WNT2: variants seen among roughly 807,000 people sequenced by gnomAD.
The protein encoded by WNT2 is protein Wnt-2.
In WNT2, 12 loss-of-function variants were observed where a neutral mutation model predicts 36.9. The ratio of observed to expected loss-of-function variants is 0.33; its 90% CI spans 0.21 to 0.53. The LOEUF (loss-of-function observed/expected upper bound fraction) is 0.53, where lower values mean the gene tolerates loss of function less well. Among genes scored for constraint, WNT2 ranks in the 20% least tolerant of loss-of-function variants. The pLI, the probability that WNT2 is intolerant of heterozygous loss-of-function variation, is 0.95. For synonymous variants in WNT2, 163 were observed against 174.6 expected (o/e 0.93, Z 0.52); for missense variants, 379 against 473.1 (o/e 0.80, Z 1.84).
Position 117,297,660 on chromosome 7 carries a change from C to T in WNT2, c.805G>A (p.Val269Met), listed in dbSNP as rs752494888. ...TAGTCTGGAGAATTCTCAAAATACA[C>T]GAGGTCATTTTTCGTTGGCTTCTTA... ...RFKKPTKNDL[V>M]YFENSPDYCI... Residue 269 changes from valine to methionine, a missense_variant, in exon 4 of 5, where the codon GTG (valine) becomes ATG (methionine). Val to Met is a conservative substitution (Grantham distance 21). Transcript: ENST00000265441. 2.3e-5 allele frequency: 37 copies of T among 1,613,976 alleles called. No individual in the cohort carries two copies. The highest frequency in any genetic ancestry group is 3.3e-5 in the South Asian group (3 of 91,092).
intron 2 of WNT2, among the ~76,000 whole-genome samples, chr7:117,316,703 A>C (rs1795225918): frequency 6.6e-6 from 1 of 152,190 alleles, no homozygotes; most frequent in Non-Finnish European, 1.5e-5. Context: ...GCTTTCAGAA[A>C]ATATTTACCC....
At chr7:117,300,110 A>C (rs930736665) in intron 3 of WNT2, among the ~76,000 whole-genome samples, 1 of 152,154 alleles carries the variant, frequency 6.6e-6, no homozygotes, top group East Asian at 1.9e-4. Flanking sequence ...GTGCTGATTC[A>C]GTTTGGGCCA....
chr7:117,278,515 A>G lies in WNT2; in HGVS notation c.854-131T>C, dbSNP rs1018286019. 4 of 875,558 alleles carry G rather than the reference A, an allele frequency of 4.6e-6. No homozygotes were observed. In the African/African-American group the frequency reaches 6.8e-5, roughly 15 times the overall value. 54.2% of individuals were successfully genotyped at this position (875,558 alleles called of 1,614,324 possible). A position where few individuals can be genotyped will look rare whatever the true frequency, so the allele number is the denominator to read the frequency against. On this transcript the variant is annotated intron_variant, in intron 4 of 4. Transcript: ENST00000265441. ...TCTCTTCCTACAGCCTGGGGCTGTT[A>G]TACTCGTTCTGTGGGCCCATGCCAT...
intron 3 of WNT2, among the ~76,000 whole-genome samples, chr7:117,307,320 G>T: frequency 6.6e-6 from 1 of 152,182 alleles, no homozygotes; most frequent in South Asian, 2.1e-4. Flanking sequence ...ACCACGTAAG[G>T]TATATACTAT....
intron 3 of WNT2, among the ~76,000 whole-genome samples, chr7:117,311,596 T>C (rs1394879202): frequency 2.0e-5 from 3 of 152,354 alleles, no homozygotes; most frequent in Admixed American, 6.5e-5. Flanking sequence ...AAAAATACTA[T>C]ATGCTTGGTT....
At chr7:117,296,538 T>C (rs1006500030) in intron 4 of WNT2, among the ~76,000 whole-genome samples, 1 of 152,180 alleles carries the variant, frequency 6.6e-6, no homozygotes, top group Non-Finnish European at 1.5e-5. Flanking sequence ...TGATAATGAA[T>C]TCCTTTGCTT....
intron 3 of WNT2, among the ~76,000 whole-genome samples, chr7:117,307,468 A>C (rs868079353): frequency 6.6e-6 from 1 of 151,972 alleles, no homozygotes; most frequent in South Asian, 2.1e-4. Context: ...AGTCGACATC[A>C]CTCTGCTGGT....
chr7:117,315,816 G>A (rs539456691), intron 2 of WNT2, among the ~76,000 whole-genome samples: 1 of 152,274 alleles, frequency 6.6e-6, no homozygotes, highest in African/African-American at 2.4e-5. Context: ...AAACCTCCAG[G>A]ACTTACTGAA....
chr7:117,302,542 G>A (rs185121773), intron 3 of WNT2, among the ~76,000 whole-genome samples: 105 of 152,240 alleles, frequency 6.9e-4, no homozygotes, highest in Non-Finnish European at 9.9e-4. Context: ...TTAAATGTAC[G>A]TATCCTTGAC....
intron 4 of WNT2, among the ~76,000 whole-genome samples, chr7:117,292,458 T>A (rs996272683): frequency 2.0e-5 from 3 of 152,156 alleles, no homozygotes; most frequent in African/African-American, 4.8e-5. Context: ...GTAATTGCCT[T>A]GAAGAGTCAG....
Position 117,322,856 on chromosome 7 carries a change from G to T in WNT2, c.83+51C>A. On this transcript the variant is annotated intron_variant, in intron 1 of 4. Coordinates refer to ENST00000265441, the MANE Select transcript of WNT2 (RefSeq NM_003391.3). The surrounding 1 kb of genome is among the most constrained non-coding windows in gnomAD (Gnocchi z 5.4). ...CAGGAAGGGTCTATGTGGCCAATGC[G>T]GTCCCCATTCCGATCTCCAAAATCC... 1 of 1,578,396 alleles carries T rather than the reference G, an allele frequency of 6.3e-7. No individual in the cohort carries two copies. Among genetic ancestry groups the T allele is most frequent in the Non-Finnish European group, 8.7e-7 (1 of 1,152,420 alleles).
intron 2 of WNT2, among the ~76,000 whole-genome samples, chr7:117,318,578 C>T (rs564630721): frequency 6.6e-6 from 1 of 152,324 alleles, no homozygotes; most frequent in Admixed American, 6.5e-5. Context: ...AGTCCTGTCA[C>T]CCAGGCTGGA....
chr7:117,320,530 G>A, intron 2 of WNT2, 37 bp downstream of exon 2: 1 of 1,579,500 alleles, frequency 6.3e-7, no homozygotes, highest in Non-Finnish European at 8.7e-7. Context: ...GTGCATGAGT[G>A]GAGAGCCATA....
chr7:117,308,691 G>A (rs1584691945), intron 3 of WNT2, among the ~76,000 whole-genome samples: 2 of 152,304 alleles, frequency 1.3e-5, no homozygotes, highest in East Asian at 3.9e-4. Flanking sequence ...GCTCAAGATT[G>A]TTGAAGGGAG....
At chr7:117,299,414 A>T (rs1794858283) in intron 3 of WNT2, among the ~76,000 whole-genome samples, 1 of 152,212 alleles carries the variant, frequency 6.6e-6, no homozygotes, top group Non-Finnish European at 1.5e-5. Flanking sequence ...TTTTAAATCT[A>T]GGTTATTTAA....
At chr7:117,303,212 A>T (rs1794940831) in intron 3 of WNT2, among the ~76,000 whole-genome samples, 1 of 151,966 alleles carries the variant, frequency 6.6e-6, no homozygotes, top group Admixed American at 6.6e-5. Context: ...AAGGTGAGAA[A>T]CCCCTGCACC....
Position 117,320,804 on chromosome 7 carries a change from C to T in WNT2, c.84-11G>A. The T allele has an allele frequency of 6.2e-7, 1 of 1,600,668 alleles. No individual in the cohort carries two copies. The highest frequency in any genetic ancestry group is 8.5e-7 in the Non-Finnish European group (1 of 1,175,300). On this transcript the variant is annotated splice_polypyrimidine_tract_variant and intron_variant, in intron 1 of 4. Coordinates refer to ENST00000265441, the MANE Select transcript of WNT2 (RefSeq NM_003391.3). ...GTAGCTCTCATGTACCTATAAGGGA[C>T]CAACCAACACAGAGGTGAGGGCAAC... is the stretch of plus-strand genomic sequence containing the variant.
At chr7:117,315,677 A>G (rs1795202013) in intron 2 of WNT2, among the ~76,000 whole-genome samples, 1 of 152,226 alleles carries the variant, frequency 6.6e-6, no homozygotes, top group Non-Finnish European at 1.5e-5. Flanking sequence ...AGAGAGCTCT[A>G]GATGTCCTAG....
chr7:117,303,453 T>C (rs1231760832), intron 3 of WNT2, among the ~76,000 whole-genome samples: 1 of 152,118 alleles, frequency 6.6e-6, no homozygotes, highest in Non-Finnish European at 1.5e-5. Flanking sequence ...CCAAGCCAAA[T>C]ACCAATGGAT....
Sources: allele counts gnomAD v4.1 joint callset (sites outside exome capture counted in the v4.1 genomes callset), GRCh38; gene constraint gnomAD v4.1.1; non-coding constraint Gnocchi (gnomAD v3.1); transcripts MANE v1.5; gene names NCBI Gene and HGNC (gene_info 2026-07-23, HGNC 2026-07-21).